GNAQ: variants seen among roughly 807,000 people sequenced by gnomAD.
GNAQ encodes G protein subunit alpha q.
GNAQ carries 8 observed loss-of-function variants against 43.9 expected under a neutral mutation model. That is an observed-to-expected ratio of 0.18 (90% CI 0.11 to 0.33). The LOEUF (loss-of-function observed/expected upper bound fraction) is 0.33. Among genes scored for constraint, GNAQ ranks in the 10% least tolerant of loss-of-function variants. The pLI, the probability that GNAQ is intolerant of heterozygous loss-of-function variation, is 1.00. For missense variants in GNAQ, 158 were observed against 450.8 expected (o/e 0.35, Z 5.88); for synonymous variants, 155 against 170.7 (o/e 0.91, Z 0.71).
intron 3 of GNAQ, among the ~76,000 whole-genome samples, chr9:77,807,757 A>T (rs981614097): frequency 1.3e-5 from 2 of 152,172 alleles, no homozygotes; most frequent in African/African-American, 4.8e-5. Flanking sequence ...CTGTGTTTTA[A>T]TAGTTATTCT....
At chr9:77,768,617 T>G (rs1237596594) in intron 5 of GNAQ, among the ~76,000 whole-genome samples, 2 of 152,200 alleles carry the variant, frequency 1.3e-5, no homozygotes, top group African/African-American at 4.8e-5. Flanking sequence ...AGAAAAGCAG[T>G]TGAAGCATCC....
intron 1 of GNAQ, among the ~76,000 whole-genome samples, chr9:77,974,788 T>C (rs1003872022): frequency 1.3e-5 from 2 of 152,368 alleles, no homozygotes; most frequent in South Asian, 4.1e-4. Context: ...TAAGGTTTAA[T>C]TAATACAAAC....
At chr9:77,822,832 C>G (rs1011971046) in intron 2 of GNAQ, among the ~76,000 whole-genome samples, 6 of 152,010 alleles carry the variant, frequency 3.9e-5, no homozygotes, top group African/African-American at 1.4e-4. Flanking sequence ...TGCTTAAATG[C>G]CCCTTTAACA....
intron 2 of GNAQ, among the ~76,000 whole-genome samples, chr9:77,890,167 G>A (rs1828378336): frequency 6.6e-6 from 1 of 152,060 alleles, no homozygotes; most frequent in African/African-American, 2.4e-5. Flanking sequence ...TGTTCCCAAT[G>A]TAATTGCCGA....
chr9:77,730,017 C>T (rs907163645), intron 5 of GNAQ, among the ~76,000 whole-genome samples: 3 of 152,182 alleles, frequency 2.0e-5, no homozygotes, highest in African/African-American at 7.2e-5. Context: ...GAAAAGGAAT[C>T]ATGGAGCTTT....
chr9:77,937,260 T>G (rs2118328862), intron 1 of GNAQ, among the ~76,000 whole-genome samples: 1 of 152,040 alleles, frequency 6.6e-6, no homozygotes, highest in East Asian at 2.0e-4. Flanking sequence ...GCCAACATAG[T>G]GAAATCCTGT....
chr9:77,881,307 C>A (rs1443401692), intron 2 of GNAQ, among the ~76,000 whole-genome samples: 1 of 152,250 alleles, frequency 6.6e-6, no homozygotes, highest in Admixed American at 6.5e-5. Flanking sequence ...ATCCCAAGCA[C>A]CCCGAACACT....
rs368919850 is a variant in GNAQ at position 77,821,624 on chromosome 9, C to T, written c.322-5854G>A. 1.1e-3 allele frequency among the ~76,000 whole-genome samples: 173 copies of T among 151,960 alleles called. 4 individuals carry two copies. In the South Asian group the frequency reaches 0.036, roughly 31 times the overall value. On this transcript the variant is annotated intron_variant, in intron 2 of 6. Transcript: ENST00000286548. ...CATAATTCCATTACAAAGAACACTG[C>T]CTTCAGGTCTATAAAATCTTGGGGT...
intron 2 of GNAQ, among the ~76,000 whole-genome samples, chr9:77,854,061 C>T (rs1335755451): frequency 6.6e-6 from 1 of 152,130 alleles, no homozygotes; most frequent in Non-Finnish European, 1.5e-5. Context: ...AATATAGATC[C>T]ATTATTTCAT....
Position 77,730,815 on chromosome 9 carries a change from G to C in GNAQ, c.736-2148C>G, listed in dbSNP as rs541888735. 3.3e-5 allele frequency among the ~76,000 whole-genome samples: 5 copies of C among 152,226 alleles called. No homozygotes were observed. The Middle Eastern group carries it at 0.014, about 414-fold the overall frequency. ...AGCCCTGGAAATAACACTGAGAAAT[G>C]ATATCTTGTAGCTTGAGATTTTATA... On this transcript the variant is annotated intron_variant, in intron 5 of 6. Transcript: ENST00000286548.
intron 5 of GNAQ, among the ~76,000 whole-genome samples, chr9:77,790,698 CTTTAAG>C (rs1246051467): frequency 6.6e-6 from 1 of 152,114 alleles, no homozygotes; most frequent in African/African-American, 2.4e-5. Flanking sequence ...CTTGCTTTTT[CTTTAAG>C]TTTGTCTCTA....
chr9:77,936,743 G>C (rs1829239014), intron 1 of GNAQ, among the ~76,000 whole-genome samples: 1 of 152,160 alleles, frequency 6.6e-6, no homozygotes, highest in Non-Finnish European at 1.5e-5. Context: ...TTGGGGCAGG[G>C]CTTCAAAAAC....
At chr9:77,761,514 C>A (rs1250577355) in intron 5 of GNAQ, among the ~76,000 whole-genome samples, 8 of 127,420 alleles carry the variant, frequency 6.3e-5, no homozygotes, top group South Asian at 2.7e-4. Flanking sequence ...GTCAGCCCCC[C>A]GCCCGGCCAG....
At chr9:77,859,766 T>C (rs1827813778) in intron 2 of GNAQ, among the ~76,000 whole-genome samples, 1 of 152,182 alleles carries the variant, frequency 6.6e-6, no homozygotes, top group African/African-American at 2.4e-5. Flanking sequence ...ACCTTTAGAC[T>C]AGCATCAGCC....
rs938231527 is a variant in GNAQ, at chr9:77,720,183, C to G, written c.*1140G>C. 1.3e-5 allele frequency: 3 copies of G among 233,184 alleles called. No homozygotes were observed. The highest frequency in any genetic ancestry group is 6.6e-5 in the African/African-American group (3 of 45,348). The allele number at this position is 233,184 out of a possible 1,614,324, so 14.4% of individuals were successfully genotyped here. ...ACCGTGAGAATCAAATTTCTAGTTACAACTGTTTGGCAAATGGCATTTCTG... is the reference window on the plus strand; with the variant it reads ...ACCGTGAGAATCAAATTTCTAGTTAGAACTGTTTGGCAAATGGCATTTCTG... On this transcript the variant is annotated 3_prime_UTR_variant, in exon 7 of 7. Coordinates refer to ENST00000286548, the MANE Select transcript of GNAQ (RefSeq NM_002072.5).
chr9:77,901,351 C>T (rs1299030410), intron 2 of GNAQ, among the ~76,000 whole-genome samples: 1 of 152,150 alleles, frequency 6.6e-6, no homozygotes, highest in African/African-American at 2.4e-5. Context: ...TATCTCTCAC[C>T]ACAAAACCTG....
intron 5 of GNAQ, among the ~76,000 whole-genome samples, chr9:77,749,157 T>C (rs1007460129): frequency 6.6e-6 from 1 of 152,176 alleles, no homozygotes; most frequent in African/African-American, 2.4e-5. Flanking sequence ...CTCAATCCTT[T>C]CCATAGTTTT....
At chr9:77,747,391 G>A (rs1825747442) in intron 5 of GNAQ, among the ~76,000 whole-genome samples, 1 of 152,088 alleles carries the variant, frequency 6.6e-6, no homozygotes, top group Admixed American at 6.6e-5. Context: ...TGAATACCCT[G>A]TTATGAAGAA....
At position 77,790,119 on chromosome 9, in the gene GNAQ, C is replaced by A. The variant is rs190117985; in HGVS notation, c.735+4344G>T. 1.4e-3 allele frequency among the ~76,000 whole-genome samples: 218 copies of A among 152,264 alleles called. 3 individuals are homozygous for A. Among genetic ancestry groups the A allele is most frequent in the African/African-American group, 5.0e-3 (209 of 41,554 alleles). On this transcript the variant is annotated intron_variant, in intron 5 of 6. Coordinates refer to ENST00000286548, the MANE Select transcript of GNAQ (RefSeq NM_002072.5). ...TTATGAATCAGGTCATGAATCCAAG[C>A]CAAGTGTACCAAAGGCCTAATTTGA... is the stretch of plus-strand genomic sequence containing the variant.
Sources: allele counts gnomAD v4.1 joint callset (sites outside exome capture counted in the v4.1 genomes callset), GRCh38; gene constraint gnomAD v4.1.1; transcripts MANE v1.5; gene names NCBI Gene and HGNC (gene_info 2026-07-23, HGNC 2026-07-21).